ZNRF2: variants seen among roughly 807,000 people sequenced by gnomAD.
ZNRF2 encodes the protein zinc and ring finger 2, also known as E3 ubiquitin-protein ligase ZNRF2.
ZNRF2 carries 16 observed loss-of-function variants against 20.4 expected under a neutral mutation model. The observed-to-expected ratio is 0.79, with a 90% CI of 0.53 to 1.19. ZNRF2 has a LOEUF of 1.19. ZNRF2 is among the 50% of genes most tolerant of loss of function. The probability of loss-of-function intolerance (pLI) is 0.00; values close to 1 mark genes in which losing one functional copy is unlikely to be tolerated. For missense variants in ZNRF2, 363 were observed against 332.4 expected, an observed-to-expected ratio of 1.09 and a Z score of -0.72; for synonymous variants, 178 against 144.9, an observed-to-expected ratio of 1.23 and a Z score of -1.64.
chr7:30,345,755 C>T (rs1009892537), intron 2 of ZNRF2, among the ~76,000 whole-genome samples: 2 of 152,082 alleles, frequency 1.3e-5, no homozygotes, highest in Non-Finnish European at 2.9e-5. Flanking sequence ...TTGTTCACTT[C>T]CCCCACCCTC....
chr7:30,327,369 A>G (rs1434062949), intron 2 of ZNRF2, among the ~76,000 whole-genome samples: 1 of 152,122 alleles, frequency 6.6e-6, no homozygotes, highest in Admixed American at 6.6e-5. Context: ...GCATATGGCT[A>G]GCTAGTTATC....
intron 1 of ZNRF2, among the ~76,000 whole-genome samples, chr7:30,313,256 C>T (rs1799318214): frequency 6.6e-6 from 1 of 152,130 alleles, no homozygotes; most frequent in Admixed American, 6.5e-5. Context: ...AAACAGTAGC[C>T]ATAGAGGCTA....
At position 30,354,076 on chromosome 7, in the gene ZNRF2, G is replaced by C. The variant is rs537241431; in HGVS notation, c.566-1652G>C. Among the ~76,000 whole-genome samples the C allele has an allele frequency of 1.5e-3, 230 of 151,890 alleles. 2 individuals are homozygous for C. Among genetic ancestry groups the C allele is most frequent in the African/African-American group, 5.2e-3 (217 of 41,416 alleles). On this transcript the variant is annotated intron_variant, in intron 2 of 4. Coordinates refer to ENST00000323037, the MANE Select transcript of ZNRF2 (RefSeq NM_147128.4). ...ATTGAAAGATACTAGAACAATAAGAGAAAAATGGAGATCAAGAGAATGAGA... is the reference window on the plus strand; with the variant it reads ...ATTGAAAGATACTAGAACAATAAGACAAAAATGGAGATCAAGAGAATGAGA...
At chr7:30,322,932 G>C (rs1463093675) in intron 1 of ZNRF2, among the ~76,000 whole-genome samples, 2 of 152,176 alleles carry the variant, frequency 1.3e-5, no homozygotes, top group Non-Finnish European at 2.9e-5. Context: ...TATTATGCTA[G>C]TTTATTTTTA....
intron 1 of ZNRF2, among the ~76,000 whole-genome samples, chr7:30,299,857 A>G (rs1319725063): frequency 7.2e-6 from 1 of 139,564 alleles, no homozygotes; most frequent in Non-Finnish European, 1.5e-5. Context: ...TCGGCTCACT[A>G]CGAGCTCTGC....
intron 1 of ZNRF2, among the ~76,000 whole-genome samples, chr7:30,322,642 C>G (rs1013203387): frequency 1.3e-5 from 2 of 151,508 alleles, no homozygotes; most frequent in African/African-American, 4.9e-5. Context: ...AATATAGTCT[C>G]TCACTGTTTC....
chr7:30,301,039 A>T (rs1799105625), intron 1 of ZNRF2, among the ~76,000 whole-genome samples: 1 of 152,226 alleles, frequency 6.6e-6, no homozygotes, highest in Non-Finnish European at 1.5e-5. Flanking sequence ...TGTCTTAAAT[A>T]AGGACTCTGC....
In ZNRF2 at chr7:30,352,247, A is replaced by G. The variant is rs147922704; in HGVS notation, c.566-3481A>G. Among the ~76,000 whole-genome samples the G allele has an allele frequency of 7.2e-5, 11 of 152,080 alleles. No individual in the cohort carries two copies. In the East Asian group the frequency reaches 1.9e-3, roughly 27 times the overall value. Reference sequence around the variant, plus strand: ...CAACTTTAAATCTTAGGCTCTTTCTACTTAAACAAGCTATTCTTTGATAGC... The same window carrying G: ...CAACTTTAAATCTTAGGCTCTTTCTGCTTAAACAAGCTATTCTTTGATAGC... On this transcript the variant is annotated intron_variant, in intron 2 of 4. Transcript: ENST00000323037.
chr7:30,295,069 G>C (rs889346542), intron 1 of ZNRF2, among the ~76,000 whole-genome samples: 2 of 144,804 alleles, frequency 1.4e-5, no homozygotes, highest in African/African-American at 5.3e-5. Flanking sequence ...GTGTGTGTGT[G>C]TGTGTGTGTG....
In ZNRF2 at chr7:30,285,549, CGCCGCGGCGGCCGCGGCGGCCCCGGCA is replaced by C. The variant is rs970841082; in HGVS notation, c.196_222del (p.Ala66_Ala74del). 14 of 976,908 alleles carry C rather than the reference CGCCGCGGCGGCCGCGGCGGCCCCGGCA, an allele frequency of 1.4e-5. No individual in the cohort carries two copies. In the Admixed American group the frequency reaches 7.1e-4, roughly 49 times the overall value. 60.5% of individuals were successfully genotyped at this position (976,908 alleles called of 1,614,324 possible). The stretch of plus-strand genomic sequence containing the variant: ...CGCACCAGCCCAGCGCCTCCGGCGG[CGCCGCGGCGGCCGCGGCGGCCCCGGCA>C]GCCCCGGCGGCCCCGCGCAGCCGCT... On this transcript the variant is annotated inframe_deletion, in exon 1 of 5. Coordinates refer to ENST00000323037, the MANE Select transcript of ZNRF2 (RefSeq NM_147128.4).
Position 30,290,869 on chromosome 7 carries a change from C to T in ZNRF2, c.469+5043C>T, listed in dbSNP as rs190509902. On this transcript the variant is annotated intron_variant, in intron 1 of 4. Coordinates refer to ENST00000323037, the MANE Select transcript of ZNRF2 (RefSeq NM_147128.4). ...GCATTAATAAACATGAACTTAACCC[C>T]TTTTAGGGGCTGGACATTATAGATA... 2.8e-4 allele frequency among the ~76,000 whole-genome samples: 43 copies of T among 152,302 alleles called. 1 individual carries two copies. Among genetic ancestry groups the T allele is most frequent in the African/African-American group, 8.7e-4 (36 of 41,558 alleles).
At chr7:30,321,781 A>G (rs977602697) in intron 1 of ZNRF2, among the ~76,000 whole-genome samples, 31 of 152,208 alleles carry the variant, frequency 2.0e-4, no homozygotes, top group Non-Finnish European at 2.9e-5. Context: ...TTGATGCTTA[A>G]AATCTGGTTG....
intron 4 of ZNRF2, among the ~76,000 whole-genome samples, chr7:30,365,179 G>T (rs1175625263): frequency 7.2e-6 from 1 of 139,150 alleles, no homozygotes. Flanking sequence ...TTTTGGTGAG[G>T]TGGAATTATA....
At chr7:30,349,182 A>G (rs963556328) in intron 2 of ZNRF2, among the ~76,000 whole-genome samples, 2 of 152,184 alleles carry the variant, frequency 1.3e-5, no homozygotes, top group African/African-American at 2.4e-5. Flanking sequence ...AATCATCCGT[A>G]TTAAAGACCA....
At chr7:30,301,153 A>G (rs1375356287) in intron 1 of ZNRF2, among the ~76,000 whole-genome samples, 1 of 152,200 alleles carries the variant, frequency 6.6e-6, no homozygotes, top group Non-Finnish European at 1.5e-5. Flanking sequence ...CTCATCCTGG[A>G]TTCCTTTAGT....
At position 30,288,045 on chromosome 7, in the gene ZNRF2, G is replaced by T. The variant is rs186465981; in HGVS notation, c.469+2219G>T. On this transcript the variant is annotated intron_variant, in intron 1 of 4. Coordinates refer to ENST00000323037, the MANE Select transcript of ZNRF2 (RefSeq NM_147128.4). ...ATTTACGTAAAAACCCATCTTAGTGGCATTGCCTTACTGAGATTTTTACCT... is the reference window on the plus strand; with the variant it reads ...ATTTACGTAAAAACCCATCTTAGTGTCATTGCCTTACTGAGATTTTTACCT... Among the ~76,000 whole-genome samples the T allele has an allele frequency of 3.7e-4, 56 of 152,270 alleles. No individual in the cohort carries two copies. The East Asian group carries it at 9.8e-3, about 27-fold the overall frequency.
chr7:30,336,722 G>A (rs1183795809), intron 2 of ZNRF2, among the ~76,000 whole-genome samples: 2 of 152,048 alleles, frequency 1.3e-5, no homozygotes, highest in Non-Finnish European at 1.5e-5. Flanking sequence ...TTTTGATCTC[G>A]ATATTAGAGA....
intron 1 of ZNRF2, among the ~76,000 whole-genome samples, chr7:30,317,815 A>C (rs980401449): frequency 3.3e-5 from 5 of 152,122 alleles, no homozygotes; most frequent in African/African-American, 1.2e-4. Context: ...CCTTATGGTT[A>C]ATATTCTTTA....
At chr7:30,314,573 C>G (rs531860665) in intron 1 of ZNRF2, among the ~76,000 whole-genome samples, 35 of 151,634 alleles carry the variant, frequency 2.3e-4, no homozygotes, top group African/African-American at 8.2e-4. Flanking sequence ...AAAAGGGTAT[C>G]AGTAATAAAA....
Sources: gnomAD v4.1 joint callset for allele counts (sites outside exome capture counted in the v4.1 genomes callset) on GRCh38, gnomAD v4.1.1 for gene constraint, MANE v1.5 for transcripts, NCBI Gene and HGNC (gene_info 2026-07-23, HGNC 2026-07-21) for gene names.